The following GSE1 variants were observed in gnomAD, a reference collection of about 807,000 sequenced individuals.
GSE1 encodes the protein genetic suppressor element 1.
A neutral mutation model predicts 112.6 loss-of-function variants in GSE1; 32 were observed. The observed-to-expected ratio is 0.28, with a 90% confidence interval of 0.21 to 0.38. GSE1 has a LOEUF of 0.38. GSE1 is among the 10% of genes least tolerant of loss of function. The probability of loss-of-function intolerance (pLI) is 1.00; values close to 1 mark genes in which losing one functional copy is unlikely to be tolerated. For synonymous variants in GSE1, 1,115 were observed against 735.6 expected, an observed-to-expected ratio of 1.52 and a Z score of -8.35; for missense variants, 2,348 against 1,699.2, an observed-to-expected ratio of 1.38 and a Z score of -6.71.
rs115915838 is a variant in GSE1, at chr16:85,391,835, T to C, written c.2464+34192T>C. 2.7e-3 allele frequency among the ~76,000 whole-genome samples: 405 copies of C among 152,324 alleles called. 2 individuals are homozygous for C. The highest frequency in any genetic ancestry group is 9.1e-3 in the African/African-American group (378 of 41,584). The stretch of plus-strand genomic sequence containing the variant: ...ACCAATCTCCGAGCTCACCTGCAGA[T>C]GGCTCTATAGAACCCTGTGGCTTCT... On this transcript the variant is annotated intron_variant, in intron 2 of 2. Coordinates refer to the GSE1 transcript ENST00000637419.
intron 1 of GSE1, among the ~76,000 whole-genome samples, chr16:85,225,200 C>T (rs1597841051): frequency 6.6e-6 from 1 of 152,112 alleles, no homozygotes; most frequent in Middle Eastern, 3.4e-3. Flanking sequence ...ACAGACATCA[C>T]ACACACACAT....
exon 1 of GSE1, chr16:85,171,517 A>C (rs148234831): frequency 1.0e-6 from 1 of 985,488 alleles, no homozygotes; most frequent in Non-Finnish European, 1.2e-6. Context: ...TGAGGCCCGC[A>C]GCTCCCACCA....
intron 1 of GSE1, among the ~76,000 whole-genome samples, chr16:85,261,312 A>G (rs750245775): frequency 4.4e-4 from 67 of 152,068 alleles, no homozygotes; most frequent in Non-Finnish European, 6.9e-4. Context: ...GCCCCCACTC[A>G]CTCAGTGTAT....
At chr16:85,631,005 T>C (rs1407728808) in intron 1 of GSE1, among the ~76,000 whole-genome samples, 1 of 151,390 alleles carries the variant, frequency 6.6e-6, no homozygotes, top group Non-Finnish European at 1.5e-5. Context: ...TGCTGCAGTA[T>C]CCCCTGGGGG....
intron 2 of GSE1, among the ~76,000 whole-genome samples, chr16:85,368,881 C>G (rs1445626696): frequency 6.6e-6 from 1 of 152,070 alleles, no homozygotes; most frequent in East Asian, 1.9e-4. Flanking sequence ...AGGGCATGGA[C>G]GGCTCTGGGA....
chr16:85,173,269 A>G (rs1353337854), intron 1 of GSE1, among the ~76,000 whole-genome samples: 3 of 152,034 alleles, frequency 2.0e-5, no homozygotes, highest in African/African-American at 4.8e-5. Context: ...GTCAGACAAC[A>G]CTCAGTCAGT....
At chr16:85,402,703 C>T (rs935069351) in intron 2 of GSE1, among the ~76,000 whole-genome samples, 10 of 152,186 alleles carry the variant, frequency 6.6e-5, no homozygotes, top group African/African-American at 2.4e-4. Flanking sequence ...GGGAGGTTCA[C>T]TTGAGCCCAG....
chr16:85,441,322 C>G (rs1172758198), intron 2 of GSE1, among the ~76,000 whole-genome samples: 1 of 152,194 alleles, frequency 6.6e-6, no homozygotes, highest in Admixed American at 6.5e-5. Context: ...GCACAGTCAC[C>G]TCCTAGTTGA....
At chr16:85,235,686 C>G (rs901781681) in intron 1 of GSE1, among the ~76,000 whole-genome samples, 7 of 151,790 alleles carry the variant, frequency 4.6e-5, no homozygotes, top group Admixed American at 4.6e-4. Context: ...GTCCCCTCCC[C>G]CAGACCATTG....
At chr16:85,324,860 G>A (rs1017003728) in intron 1 of GSE1, among the ~76,000 whole-genome samples, 3 of 152,202 alleles carry the variant, frequency 2.0e-5, no homozygotes, top group Admixed American at 1.3e-4. Flanking sequence ...GGTGATGGAA[G>A]AGTTCTGGAG....
At chr16:85,202,450 T>C (rs949574701) in intron 1 of GSE1, among the ~76,000 whole-genome samples, 2 of 152,154 alleles carry the variant, frequency 1.3e-5, no homozygotes. Flanking sequence ...GACATTTTTT[T>C]GTAGAGACAG....
At chr16:85,288,288 C>T (rs1294155693) in intron 1 of GSE1, among the ~76,000 whole-genome samples, 3 of 152,152 alleles carry the variant, frequency 2.0e-5, no homozygotes, top group African/African-American at 7.2e-5. Flanking sequence ...CCCCTACGCA[C>T]TTTGACATTT....
chr16:85,276,728 A>T (rs891987575), intron 1 of GSE1, among the ~76,000 whole-genome samples: 1 of 151,676 alleles, frequency 6.6e-6, no homozygotes, highest in African/African-American at 2.4e-5. Context: ...GGGGCCGGGG[A>T]GGTGTGTGGG....
At chr16:85,480,939 G>A (rs761489265) in intron 2 of GSE1, among the ~76,000 whole-genome samples, 10 of 152,226 alleles carry the variant, frequency 6.6e-5, no homozygotes, top group South Asian at 4.1e-4. Flanking sequence ...AGGGAGCAGC[G>A]CGTGCAGAAC....
chr16:85,295,931 C>T (rs1036763783), intron 1 of GSE1, among the ~76,000 whole-genome samples: 3 of 152,038 alleles, frequency 2.0e-5, no homozygotes, highest in Admixed American at 6.6e-5. Context: ...TGGTCCCTTG[C>T]TTTGGGCCCT....
rs1224541318 is a variant in GSE1 at position 85,673,958 on chromosome 16, AC to A, written c.*1420del. ...AGCTGAACCCCTCCTTTTTGAACTT[AC>A]TGTGACAAGCACAGGAACGGTCAGA... On this transcript the variant is annotated 3_prime_UTR_variant, in exon 16 of 16. Transcript: ENST00000253458. 4 of 152,360 alleles carry A rather than the reference AC, an allele frequency of 2.6e-5. No homozygotes were observed. In the East Asian group the frequency reaches 7.7e-4, roughly 29 times the overall value. 9.4% of individuals were successfully genotyped at this position (152,360 alleles called of 1,614,324 possible).
intron 1 of GSE1, among the ~76,000 whole-genome samples, chr16:85,591,175 C>T (rs532341208): frequency 2.0e-5 from 3 of 152,336 alleles, no homozygotes; most frequent in Admixed American, 1.3e-4. Flanking sequence ...AGAAGGTCCA[C>T]GGCTTTCATC....
chr16:85,629,222 T>C (rs1426520050), intron 1 of GSE1, among the ~76,000 whole-genome samples: 1 of 152,214 alleles, frequency 6.6e-6, no homozygotes, highest in Non-Finnish European at 1.5e-5. Flanking sequence ...TCTTTATGAA[T>C]TACACAGCCT....
intron 2 of GSE1, among the ~76,000 whole-genome samples, chr16:85,426,936 T>TA (rs2049008044): frequency 6.6e-6 from 1 of 152,172 alleles, no homozygotes. Flanking sequence ...GTGTGTCCCA[T>TA]AGACCTTGGT....
Sources: gnomAD v4.1 joint callset for allele counts (sites outside exome capture counted in the v4.1 genomes callset) on GRCh38, gnomAD v4.1.1 for gene constraint, MANE v1.5 for transcripts, NCBI Gene and HGNC (gene_info 2026-07-23, HGNC 2026-07-21) for gene names.